Variants in CARMIL1 observed in about 807,000 individuals in gnomAD.
CARMIL1 encodes F-actin-uncapping protein LRRC16A.
CARMIL1 carries 90 observed loss-of-function variants against 177.1 expected under a neutral mutation model. The ratio of observed to expected loss-of-function variants is 0.51; its 90% confidence interval spans 0.43 to 0.61. The LOEUF (loss-of-function observed/expected upper bound fraction) is 0.61. Ranked by LOEUF, CARMIL1 falls within the 20% of genes least tolerant of loss-of-function variation. CARMIL1 has a pLI of 0.00. For synonymous variants in CARMIL1, 577 were observed against 606.2 expected, an observed-to-expected ratio of 0.95 and a Z score of 0.71; for missense variants, 1,380 against 1,667.0, an observed-to-expected ratio of 0.83 and a Z score of 3.00.
At position 25,481,633 on chromosome 6, in the gene CARMIL1, G is replaced by C. The variant is rs1802130333; in HGVS notation, c.875-624G>C. 2.6e-5 allele frequency among the ~76,000 whole-genome samples: 4 copies of C among 152,098 alleles called. 1 individual carries two copies. In the East Asian group the frequency reaches 7.7e-4, roughly 29 times the overall value. On this transcript the variant is annotated intron_variant, in intron 11 of 36. Transcript: ENST00000329474. The stretch of plus-strand genomic sequence containing the variant: ...CTATGCTCATTGCAGTCCTTGGATG[G>C]GTGAGCTGGTGTTCCCAATCTCCCA...
At chr6:25,282,174 A>G (rs559085419) in intron 1 of CARMIL1, among the ~76,000 whole-genome samples, 1 of 151,820 alleles carries the variant, frequency 6.6e-6, no homozygotes, top group South Asian at 2.1e-4. Context: ...ATTTAAATGT[A>G]GAGAAGAATA....
chr6:25,464,588 C>A (rs752883688), intron 8 of CARMIL1, among the ~76,000 whole-genome samples: 3 of 152,100 alleles, frequency 2.0e-5, no homozygotes, highest in Non-Finnish European at 2.9e-5. Context: ...GCTACTTGTC[C>A]TGCACTGAGC....
intron 9 of CARMIL1, among the ~76,000 whole-genome samples, chr6:25,467,158 CAA>C (rs5875043): frequency 0.17 from 25,741 of 152,106 alleles, 2,403 homozygotes; most frequent in South Asian, 0.25. Flanking sequence ...ATAATTCAAA[CAA>C]GAGTTGTGTC....
At chr6:25,504,180 T>G (rs961832464) in intron 17 of CARMIL1, among the ~76,000 whole-genome samples, 1 of 152,182 alleles carries the variant, frequency 6.6e-6, no homozygotes, top group Non-Finnish European at 1.5e-5. Context: ...TAAAATCACA[T>G]TAGTATGAGT....
chr6:25,523,350 T>C (rs530229450), intron 23 of CARMIL1, among the ~76,000 whole-genome samples: 212 of 152,302 alleles, frequency 1.4e-3, no homozygotes, highest in African/African-American at 4.7e-3. Flanking sequence ...TTACTGGGTG[T>C]CTGGCACTAT....
At chr6:25,416,110 C>T (rs757011803) in intron 2 of CARMIL1, among the ~76,000 whole-genome samples, 2 of 152,062 alleles carry the variant, frequency 1.3e-5, no homozygotes, top group South Asian at 2.1e-4. Context: ...CAGATGATGG[C>T]GGTGCATAGA....
chr6:25,326,563 C>T lies in CARMIL1; in HGVS notation c.138+41654C>T, dbSNP rs1170426235. Among the ~76,000 whole-genome samples, 1 of 152,174 alleles carries T rather than the reference C, an allele frequency of 6.6e-6. No individual in the cohort carries two copies. Among genetic ancestry groups the T allele is most frequent in the Non-Finnish European group, 1.5e-5 (1 of 68,038 alleles). ...TCAGGATCAGCCCTATCAGAATGAC[C>T]TGGAAACCTGTAAGAAATGCATACT... On this transcript the variant is annotated intron_variant, in intron 2 of 36. Transcript: ENST00000329474. This position sits in a 1 kb window ranked among gnomAD's most constrained non-coding sequence, Gnocchi z 4.2.
At chr6:25,430,080 G>C (rs1004301579) in intron 4 of CARMIL1, among the ~76,000 whole-genome samples, 6 of 152,022 alleles carry the variant, frequency 3.9e-5, no homozygotes, top group African/African-American at 1.2e-4. Flanking sequence ...TCCTGACCTT[G>C]TGATTCGCCT....
intron 2 of CARMIL1, among the ~76,000 whole-genome samples, chr6:25,323,032 C>T (rs991871285): frequency 2.0e-5 from 3 of 152,040 alleles, no homozygotes; most frequent in Admixed American, 2.0e-4. Context: ...CCAGGCGCAC[C>T]CTTTCCTCCC....
At chr6:25,306,355 C>T (rs559490717) in intron 2 of CARMIL1, among the ~76,000 whole-genome samples, 4 of 152,180 alleles carry the variant, frequency 2.6e-5, no homozygotes, top group Admixed American at 1.3e-4. Flanking sequence ...GTCAGATCAG[C>T]GGTGGCATTA....
At chr6:25,611,702 A>G (rs1490474198) in intron 36 of CARMIL1, among the ~76,000 whole-genome samples, 1 of 152,230 alleles carries the variant, frequency 6.6e-6, no homozygotes, top group African/African-American at 2.4e-5. Flanking sequence ...AAAAGATCAG[A>G]AGGTTGAATA....
chr6:25,559,447 A>G (rs1810921650), intron 29 of CARMIL1, among the ~76,000 whole-genome samples: 1 of 152,188 alleles, frequency 6.6e-6, no homozygotes, highest in Non-Finnish European at 1.5e-5. Context: ...CCGGAAAGTT[A>G]GGACTCAAGA....
intron 2 of CARMIL1, among the ~76,000 whole-genome samples, chr6:25,318,072 A>G (rs1361903706): frequency 2.0e-5 from 3 of 152,178 alleles, no homozygotes; most frequent in Admixed American, 6.5e-5. Flanking sequence ...ATGCAGGACT[A>G]TTGGGCTTGG....
chr6:25,379,421 G>A (rs1485243463), intron 2 of CARMIL1, among the ~76,000 whole-genome samples: 1 of 152,150 alleles, frequency 6.6e-6, no homozygotes, highest in Non-Finnish European at 1.5e-5. Flanking sequence ...TGCACTGCTT[G>A]GAATTTTGAA....
At chr6:25,363,195 C>G (rs1789416224) in intron 2 of CARMIL1, among the ~76,000 whole-genome samples, 1 of 151,726 alleles carries the variant, frequency 6.6e-6, no homozygotes, top group African/African-American at 2.4e-5. Flanking sequence ...TATTTTTGAC[C>G]AAGTAAATTT....
In CARMIL1 at chr6:25,509,129, G is replaced by A. The variant is rs199583333; in HGVS notation, c.1396-527G>A. ...ATCATTTTGCAGTCATCTTTAGTTA[G>A]CTAATATCTGCCTTATGAGTGAGAA... On this transcript the variant is annotated intron_variant, in intron 17 of 36. Coordinates refer to ENST00000329474, the MANE Select transcript of CARMIL1 (RefSeq NM_017640.6). This position sits in a 1 kb window ranked among gnomAD's most constrained non-coding sequence, Gnocchi z 4.1. Among the ~76,000 whole-genome samples the A allele has an allele frequency of 1.1e-3, 102 of 94,748 alleles. 1 individual carries two copies. The highest frequency in any genetic ancestry group is 1.4e-3 in the Non-Finnish European group (53 of 39,176). The allele number at this position is 94,748 out of a possible 152,430, so 62.2% of individuals were successfully genotyped here.
At chr6:25,347,327 T>A (rs1040013395) in intron 2 of CARMIL1, among the ~76,000 whole-genome samples, 2 of 152,188 alleles carry the variant, frequency 1.3e-5, no homozygotes, top group Non-Finnish European at 2.9e-5. Flanking sequence ...CTACCTAAAT[T>A]TAGCCATGTG....
In CARMIL1 at chr6:25,558,198, A is replaced by G. The variant is rs9356980; in HGVS notation, c.2742+1348A>G. Among the ~76,000 whole-genome samples, 25,939 of 152,226 alleles carry G rather than the reference A, an allele frequency of 0.17. 2,474 individuals carry two copies. The highest frequency in any genetic ancestry group is 0.4 in the East Asian group (2,074 of 5,170). Reference sequence around the variant, plus strand: ...TAGCCCTAAAAGAAAACAAATAATAAGAAATAGATTTGAATTAAAAATTTG... The same window carrying G: ...TAGCCCTAAAAGAAAACAAATAATAGGAAATAGATTTGAATTAAAAATTTG... On this transcript the variant is annotated intron_variant, in intron 29 of 36. Transcript: ENST00000329474. This position sits in a 1 kb window ranked among gnomAD's most constrained non-coding sequence, Gnocchi z 4.1.
At chr6:25,606,330 C>A in intron 35 of CARMIL1, 57 bp downstream of exon 35, 2 of 1,517,590 alleles carry the variant, frequency 1.3e-6, no homozygotes, top group Non-Finnish European at 1.8e-6. Context: ...CCAGAGCCAG[C>A]TGGATCAGAC....
Sources: gnomAD v4.1 joint callset for allele counts (sites outside exome capture counted in the v4.1 genomes callset) on GRCh38, gnomAD v4.1.1 for gene constraint, Gnocchi (gnomAD v3.1) non-coding constraint, MANE v1.5 for transcripts, NCBI Gene and HGNC (gene_info 2026-07-23, HGNC 2026-07-21) for gene names.